OPRD1: variants seen among roughly 807,000 people sequenced by gnomAD.
The protein encoded by OPRD1 is delta-type opioid receptor.
OPRD1 carries 19 observed loss-of-function variants against 17.5 expected under a neutral mutation model. That is an observed-to-expected ratio of 1.09 (90% CI 0.76 to 1.60). The LOEUF (loss-of-function observed/expected upper bound fraction) is 1.60. OPRD1 is among the 40% of genes most tolerant of loss of function. OPRD1 has a pLI of 0.00. For missense variants in OPRD1, 483 were observed against 547.2 expected, an observed-to-expected ratio of 0.88 and a Z score of 1.17; for synonymous variants, 256 against 240.9, an observed-to-expected ratio of 1.06 and a Z score of -0.58.
chr1:28,844,988 C>T (rs970881655), intron 1 of OPRD1, among the ~76,000 whole-genome samples: 1 of 152,054 alleles, frequency 6.6e-6, no homozygotes, highest in African/African-American at 2.4e-5. Context: ...TCAGGTGACC[C>T]ACCTGCCTTG....
chr1:28,812,453 C>G lies in OPRD1; in HGVS notation c.70C>G (p.Pro24Ala), dbSNP rs774928647. Residue 24 changes from proline to alanine, a missense_variant, in exon 1 of 3, where the codon CCT becomes GCT. Coordinates refer to ENST00000234961, the MANE Select transcript of OPRD1 (RefSeq NM_000911.4). Reference protein sequence around the residue: ...PLFANASDAYPSACPSAGANA... With the variant: ...PLFANASDAYASACPSAGANA... ...CTTCGCCAACGCCTCGGACGCCTAC[C>G]CTAGCGCCTGCCCCAGCGCTGGCGC... The G allele has an allele frequency of 1.4e-5, 21 of 1,516,088 alleles. No homozygotes were observed. Among genetic ancestry groups the G allele is most frequent in the South Asian group, 1.1e-4 (9 of 81,572 alleles). The allele number at this position is 1,516,088 out of a possible 1,614,324, so 93.9% of individuals were successfully genotyped here. A position where few individuals can be genotyped will look rare whatever the true frequency, so the allele number is the denominator to read the frequency against.
chr1:28,868,936 C>A lies in OPRD1; in HGVS notation c.*5653C>A, dbSNP rs2089196461. On this transcript the variant is annotated 3_prime_UTR_variant, in exon 3 of 3. Coordinates refer to ENST00000234961, the MANE Select transcript of OPRD1 (RefSeq NM_000911.4). ...GAAGAACAACAGTCCAGGCTGGGCACCTGCTGGGTCTCTGTCCAAAGGCCA... is the reference window on the plus strand; with the variant it reads ...GAAGAACAACAGTCCAGGCTGGGCAACTGCTGGGTCTCTGTCCAAAGGCCA... 6.6e-6 allele frequency: 1 copy of A among 152,166 alleles called. No homozygotes were observed. 9.4% of individuals were successfully genotyped at this position (152,166 alleles called of 1,614,324 possible).
intron 1 of OPRD1, among the ~76,000 whole-genome samples, chr1:28,814,360 T>A (rs930984485): frequency 6.6e-6 from 1 of 152,198 alleles, no homozygotes; most frequent in African/African-American, 2.4e-5. Context: ...CATAACGCAC[T>A]GGCCTGGCGC....
intron 2 of OPRD1, among the ~76,000 whole-genome samples, chr1:28,861,946 C>G (rs930016217): frequency 6.8e-6 from 1 of 146,364 alleles, no homozygotes; most frequent in Non-Finnish European, 1.5e-5. Flanking sequence ...GAGTCTCGCT[C>G]TGTCGCCCAG....
intron 1 of OPRD1, among the ~76,000 whole-genome samples, chr1:28,846,870 C>CTT (rs374932083): frequency 9.3e-5 from 7 of 75,220 alleles, no homozygotes; most frequent in East Asian, 4.0e-3. Flanking sequence ...TTCTTTCTTT[C>CTT]TTTCTTTCTT....
rs1167129965 is a variant in OPRD1, at chr1:28,871,149, A to G, written c.*7866A>G. On this transcript the variant is annotated 3_prime_UTR_variant, in exon 3 of 3. Transcript: ENST00000234961. ...ATTAGGGGCAGGGAGGCGGGCATGT[A>G]AAAAAGGAAGCTTAAAGCTTTGTTT... 1 of 152,050 alleles carries G rather than the reference A, an allele frequency of 6.6e-6. No homozygotes were observed. The highest frequency in any genetic ancestry group is 1.9e-4 in the East Asian group (1 of 5,170). The allele number at this position is 152,050 out of a possible 1,614,324, so 9.4% of individuals were successfully genotyped here.
chr1:28,851,787 C>T (rs574076962), intron 1 of OPRD1, among the ~76,000 whole-genome samples: 21 of 147,380 alleles, frequency 1.4e-4, no homozygotes, highest in Non-Finnish European at 2.8e-4. Flanking sequence ...GGGAAAATTG[C>T]TTGAACCGGG....
In OPRD1 at chr1:28,862,936, C is replaced by T. The variant is rs2089136925; in HGVS notation, c.772C>T (p.Arg258Cys). The T allele has an allele frequency of 1.9e-6, 3 of 1,612,410 alleles. No individual in the cohort carries two copies. The highest frequency in any genetic ancestry group is 2.5e-6 in the Non-Finnish European group (3 of 1,179,716). Residue 258 changes from arginine (R) to cysteine (C), a missense_variant, in exon 3 of 3, where the codon CGC (arginine) becomes TGC (cysteine). Transcript: ENST00000234961. Reference protein sequence around the residue: ...GSKEKDRSLRRITRMVLVVVG... With the variant: ...GSKEKDRSLRCITRMVLVVVG... ...CAAGGAGAAGGACCGCAGCCTGCGG[C>T]GCATCACGCGCATGGTGCTGGTGGT...
At chr1:28,850,355 C>T (rs2088989881) in intron 1 of OPRD1, among the ~76,000 whole-genome samples, 1 of 151,650 alleles carries the variant, frequency 6.6e-6, no homozygotes. Flanking sequence ...CGGAGTTTCA[C>T]TCTTGTTGCC....
At chr1:28,846,866 C>CTTTCTT (rs1553150768) in intron 1 of OPRD1, among the ~76,000 whole-genome samples, 1 of 54,480 alleles carries the variant, frequency 1.8e-5, no homozygotes, top group Non-Finnish European at 5.1e-5. Context: ...TTCTTTCTTT[C>CTTTCTT]TTTCTTTCTT....
intron 1 of OPRD1, among the ~76,000 whole-genome samples, chr1:28,836,342 C>A (rs2088852975): frequency 6.6e-6 from 1 of 151,870 alleles, no homozygotes; most frequent in Admixed American, 6.6e-5. Context: ...GGTGATACCC[C>A]GTCTCCACTA....
chr1:28,817,760 A>G (rs540397167), intron 1 of OPRD1, among the ~76,000 whole-genome samples: 130 of 152,078 alleles, frequency 8.5e-4, no homozygotes, highest in Non-Finnish European at 1.4e-3. Flanking sequence ...GCTGGAGTGC[A>G]GTGGTGTGAT....
Position 28,867,203 on chromosome 1 carries a change from G to A in OPRD1, c.*3920G>A, listed in dbSNP as rs2147754327. ...ATTTTTATTTTTATTCATTTATTTTGTTTGGGTTTTTTTTTTTCTGAGACA... is the reference window on the plus strand; with the variant it reads ...ATTTTTATTTTTATTCATTTATTTTATTTGGGTTTTTTTTTTTCTGAGACA... On this transcript the variant is annotated 3_prime_UTR_variant, in exon 3 of 3. Coordinates refer to ENST00000234961, the MANE Select transcript of OPRD1 (RefSeq NM_000911.4). 1 of 146,972 alleles carries A rather than the reference G, an allele frequency of 6.8e-6. No homozygotes were observed. The highest frequency in any genetic ancestry group is 2.6e-5 in the African/African-American group (1 of 38,890). The allele number at this position is 146,972 out of a possible 1,614,324, so 9.1% of individuals were successfully genotyped here.
chr1:28,859,031 TG>T lies in OPRD1; in HGVS notation c.306del (p.Pro103LeufsTer8), dbSNP rs745668148. 6.2e-7 allele frequency: 1 copy of T among 1,614,194 alleles called. No individual in the cohort carries two copies. Among genetic ancestry groups the T allele is most frequent in the East Asian group, 2.2e-5 (1 of 44,894 alleles). Reference protein sequence around the residue: ...ALADALATSTLPFQSAKYLME... With the variant: ...ALADALATSTXPFQSAKYLME... ...GCCGATGCGCTGGCCACCAGCACGCTGCCTTTCCAGAGTGCCAAGTACCTGA... is the reference window on the plus strand; with the variant it reads ...GCCGATGCGCTGGCCACCAGCACGCTCCTTTCCAGAGTGCCAAGTACCTGA... On this transcript the variant is annotated frameshift_variant, in exon 2 of 3. Coordinates refer to ENST00000234961, the MANE Select transcript of OPRD1 (RefSeq NM_000911.4). LOFTEE classifies it high-confidence loss of function.
chr1:28,843,624 T>C (rs1360085778), intron 1 of OPRD1, among the ~76,000 whole-genome samples: 1 of 151,922 alleles, frequency 6.6e-6, no homozygotes, highest in Non-Finnish European at 1.5e-5. Flanking sequence ...CTTCTTCTTC[T>C]TTTTTTTGTC....
intron 1 of OPRD1, among the ~76,000 whole-genome samples, chr1:28,815,118 CCCT>C (rs1415452222): frequency 6.6e-6 from 1 of 152,038 alleles, no homozygotes; most frequent in Non-Finnish European, 1.5e-5. Flanking sequence ...AGAATTCTGT[CCCT>C]CCTCTTTTAT....
At chr1:28,819,585 C>T (rs1179106851) in intron 1 of OPRD1, among the ~76,000 whole-genome samples, 1 of 152,184 alleles carries the variant, frequency 6.6e-6, no homozygotes, top group Non-Finnish European at 1.5e-5. Context: ...ATGCAAGCTG[C>T]ACCACAGCCC....
chr1:28,862,107 TG>T (rs1230344352), intron 2 of OPRD1, among the ~76,000 whole-genome samples: 1 of 151,406 alleles, frequency 6.6e-6, no homozygotes, highest in Non-Finnish European at 1.5e-5. Context: ...TTAGTAGAGA[TG>T]GGGTTTTACC....
At chr1:28,834,563 A>T (rs976595679) in intron 1 of OPRD1, among the ~76,000 whole-genome samples, 1 of 151,096 alleles carries the variant, frequency 6.6e-6, no homozygotes, top group Non-Finnish European at 1.5e-5. Context: ...AATTTTTGAT[A>T]AAGATAAGGT....
Sources: allele counts gnomAD v4.1 joint callset (sites outside exome capture counted in the v4.1 genomes callset), GRCh38; gene constraint gnomAD v4.1.1; transcripts MANE v1.5; gene names NCBI Gene and HGNC (gene_info 2026-07-23, HGNC 2026-07-21).